PUM1: variants seen among roughly 807,000 people sequenced by gnomAD.
PUM1 encodes pumilio homolog 1.
PUM1 carries 13 observed loss-of-function variants against 131.8 expected under a neutral mutation model. The observed-to-expected ratio is 0.10, with a 90% CI of 0.06 to 0.16. The LOEUF (loss-of-function observed/expected upper bound fraction) is 0.16, where lower values mean the gene tolerates loss of function less well. Ranked by LOEUF, PUM1 falls within the 10% of genes least tolerant of loss-of-function variation. The pLI is 1.00. For synonymous variants in PUM1, 509 were observed against 556.5 expected (o/e 0.91, Z 1.20); for missense variants, 961 against 1,512.4 (o/e 0.64, Z 6.05).
chr1:31,031,410 A>G (rs1008858445), intron 2 of PUM1, among the ~76,000 whole-genome samples: 4 of 152,254 alleles, frequency 2.6e-5, no homozygotes, highest in Non-Finnish European at 5.9e-5. Flanking sequence ...ATATTTATGT[A>G]GCCATCACAA....
intron 3 of PUM1, 102 bp from the exon 4 acceptor site, chr1:31,007,204 G>A (rs1363063059): frequency 3.8e-6 from 3 of 791,890 alleles, no homozygotes; most frequent in African/African-American, 3.4e-5. Context: ...ATGCTCACGT[G>A]CCCTGAAGGT....
chr1:31,050,905 C>CA, intron 2 of PUM1: 2 of 257,140 alleles, frequency 7.8e-6, no homozygotes, highest in South Asian at 4.4e-5. Context: ...GAGCCACTCG[C>CA]AAAAATTCAG....
At chr1:30,980,874 C>A (rs983586261) in intron 8 of PUM1, among the ~76,000 whole-genome samples, 1 of 152,144 alleles carries the variant, frequency 6.6e-6, no homozygotes, top group Admixed American at 6.5e-5. Flanking sequence ...ACTTTAAAAT[C>A]GGTAATTATA....
rs184644952 is a variant in PUM1 at position 30,953,698 on chromosome 1, A to G, written c.2591+16T>C. The stretch of plus-strand genomic sequence containing the variant: ...ACAATTTCGGGTACCTTAAAGTGCC[A>G]AAGCCAAGTACTCACCTGGACCCAT... On this transcript the variant is annotated intron_variant, in intron 15 of 21. Coordinates refer to ENST00000426105, the MANE Select transcript of PUM1 (RefSeq NM_001020658.2). 13 of 1,612,828 alleles carry G rather than the reference A, an allele frequency of 8.1e-6. No homozygotes were observed. The Admixed American group carries it at 2.0e-4, about 25-fold the overall frequency.
chr1:31,054,472 T>A (rs1040911995), intron 2 of PUM1, among the ~76,000 whole-genome samples: 4 of 150,342 alleles, frequency 2.7e-5, no homozygotes, highest in Non-Finnish European at 5.9e-5. Context: ...CTTCGCTAGT[T>A]CACTAGTGAA....
At position 30,987,195 on chromosome 1, in the gene PUM1, A is replaced by ATT. The variant is rs35752234; in HGVS notation, c.1158+5193_1158+5194dup. ...GTAACATAATACAACCTAGTAACAA[A>ATT]TTTTTTTTTTTTTTTTTTTAAGACG... On this transcript the variant is annotated intron_variant, in intron 7 of 21. Transcript: ENST00000426105. 8.6e-3 allele frequency among the ~76,000 whole-genome samples: 1,213 copies of ATT among 140,900 alleles called. 12 individuals are homozygous for ATT. The highest frequency in any genetic ancestry group is 0.015 in the South Asian group (67 of 4,356). The allele number at this position is 140,900 out of a possible 152,430, so 92.4% of individuals were successfully genotyped here. A position where few individuals can be genotyped will look rare whatever the true frequency, so the allele number is the denominator to read the frequency against.
rs374697407 is a variant in PUM1, at chr1:30,952,360, G to A, written c.2595C>T (p.Phe865=). 2.5e-6 allele frequency: 4 copies of A among 1,613,702 alleles called. No homozygotes were observed. In the African/African-American group the frequency reaches 4.0e-5, roughly 16 times the overall value. ...EFSQDQHGSR[F]IQLKLERATP... ...TGGCACGCTCCAGTTTCAGCTGAAT[G>A]AATCTGAAGTACAAAGTAAAAAGGG... Residue 865 remains phenylalanine, a synonymous_variant, in exon 16 of 22, where the codon TTC becomes TTT. Coordinates refer to ENST00000426105, the MANE Select transcript of PUM1 (RefSeq NM_001020658.2).
At chr1:30,945,304 G>C in intron 18 of PUM1, 42 bp downstream of exon 18, 1 of 1,604,836 alleles carries the variant, frequency 6.2e-7, no homozygotes, top group South Asian at 1.1e-5. Context: ...GCTCACAAAG[G>C]AAATAAATTT....
intron 7 of PUM1, among the ~76,000 whole-genome samples, chr1:30,991,025 A>C (rs1036306671): frequency 2.6e-5 from 4 of 152,164 alleles, no homozygotes; most frequent in Non-Finnish European, 2.9e-5. Flanking sequence ...AAGATCAATA[A>C]ATCAAAAAAG....
chr1:31,057,977 G>T (rs1355561418), intron 2 of PUM1, among the ~76,000 whole-genome samples: 3 of 152,012 alleles, frequency 2.0e-5, no homozygotes, highest in Non-Finnish European at 4.4e-5. Context: ...TCTTTTGGTT[G>T]GTCATTATCA....
chr1:30,938,451 G>A (rs536383357), intron 20 of PUM1, among the ~76,000 whole-genome samples: 6 of 152,152 alleles, frequency 3.9e-5, no homozygotes, highest in South Asian at 2.1e-4. Context: ...ATGGGTTTCC[G>A]CATGTTGACC....
In PUM1 at chr1:31,042,758, C is replaced by A. The variant is rs556929651; in HGVS notation, c.364-13894G>T. Among the ~76,000 whole-genome samples, 33 of 152,362 alleles carry A rather than the reference C, an allele frequency of 2.2e-4. No individual in the cohort carries two copies. In the South Asian group the frequency reaches 3.9e-3, roughly 18 times the overall value. On this transcript the variant is annotated intron_variant, in intron 2 of 21. Coordinates refer to ENST00000426105, the MANE Select transcript of PUM1 (RefSeq NM_001020658.2). ...ATGTACATCACTTTTAAGGGCTACA[C>A]TGAACTTAAAGACCATTTTCTTAAA...
intron 10 of PUM1, among the ~76,000 whole-genome samples, chr1:30,970,307 G>C (rs1026942785): frequency 4.6e-5 from 7 of 152,162 alleles, no homozygotes; most frequent in African/African-American, 1.4e-4. Flanking sequence ...TGTTAAGTGA[G>C]TATAAGGTGA....
intron 10 of PUM1, among the ~76,000 whole-genome samples, chr1:30,974,394 T>G (rs1336392056): frequency 6.6e-6 from 1 of 152,214 alleles, no homozygotes; most frequent in Non-Finnish European, 1.5e-5. Flanking sequence ...AGATCCACTT[T>G]GCCACTTGCA....
intron 3 of PUM1, among the ~76,000 whole-genome samples, chr1:31,018,894 A>C (rs940453864): frequency 6.6e-6 from 1 of 152,218 alleles, no homozygotes; most frequent in African/African-American, 2.4e-5. Flanking sequence ...AATAAAAAAT[A>C]AAAACACAAA....
At chr1:30,969,911 C>T (rs1019560447) in intron 10 of PUM1, among the ~76,000 whole-genome samples, 1 of 152,226 alleles carries the variant, frequency 6.6e-6, no homozygotes, top group African/African-American at 2.4e-5. Flanking sequence ...AATCCACCTG[C>T]CTTGGCCTGC....
chr1:31,037,471 G>A (rs1408698940), intron 2 of PUM1, among the ~76,000 whole-genome samples: 4 of 152,180 alleles, frequency 2.6e-5, no homozygotes, highest in African/African-American at 9.7e-5. Context: ...ATGCCTCCCA[G>A]CACTTGGGAG....
At chr1:30,960,482 T>C (rs147187183) in intron 14 of PUM1, among the ~76,000 whole-genome samples, 1 of 152,290 alleles carries the variant, frequency 6.6e-6, no homozygotes, top group East Asian at 1.9e-4. Context: ...TATGATCTTA[T>C]ATGTAGAAAA....
At position 30,981,206 on chromosome 1, in the gene PUM1, G is replaced by C. The variant is rs1641343167; in HGVS notation, c.1252+106C>G. 3 of 636,012 alleles carry C rather than the reference G, an allele frequency of 4.7e-6. No individual in the cohort carries two copies. In the East Asian group the frequency reaches 9.3e-5, roughly 20 times the overall value. The allele number at this position is 636,012 out of a possible 1,614,324, so 39.4% of individuals were successfully genotyped here. A position where few individuals can be genotyped will look rare whatever the true frequency, so the allele number is the denominator to read the frequency against. On this transcript the variant is annotated intron_variant, in intron 8 of 21. Coordinates refer to ENST00000426105, the MANE Select transcript of PUM1 (RefSeq NM_001020658.2). ...GCCACTTACTCTGTCTGAGGGATTT[G>C]TCTGAACTTTTATAATCAGTTTAAA...
Sources: gnomAD v4.1 joint callset for allele counts (sites outside exome capture counted in the v4.1 genomes callset) on GRCh38, gnomAD v4.1.1 for gene constraint, MANE v1.5 for transcripts, NCBI Gene and HGNC (gene_info 2026-07-23, HGNC 2026-07-21) for gene names.